The following TASOR2 variants were observed in gnomAD, a reference collection of about 807,000 sequenced individuals.
The protein encoded by TASOR2 is transcription activation suppressor family member 2.
A neutral mutation model predicts 199.5 loss-of-function variants in TASOR2; 84 were observed. The observed-to-expected ratio is 0.42, with a 90% CI of 0.35 to 0.50. TASOR2 has a LOEUF of 0.50. TASOR2 is among the 20% of genes least tolerant of loss of function. The pLI is 0.02. For missense variants in TASOR2, 2,796 were observed against 2,835.9 expected, an observed-to-expected ratio of 0.99 and a Z score of 0.32; for synonymous variants, 1,103 against 1,046.6, an observed-to-expected ratio of 1.05 and a Z score of -1.04.
Position 5,750,424 on chromosome 10 carries a change from A to C in TASOR2, c.6606+397A>C, listed in dbSNP as rs1449752654. ...TGGATATATTTTTAATTTGAATTTG[A>C]ATGTTAGGATAACTGATGTTACGGT... On this transcript the variant is annotated intron_variant, in intron 15 of 20. Transcript: ENST00000328090. This position sits in a 1 kb window ranked among gnomAD's most constrained non-coding sequence, Gnocchi z 5.4. Among the ~76,000 whole-genome samples the C allele has an allele frequency of 2.0e-5, 3 of 152,338 alleles. No individual in the cohort carries two copies. Among genetic ancestry groups the C allele is most frequent in the East Asian group, 3.9e-4 (2 of 5,188 alleles).
chr10:5,740,339 G>A lies in TASOR2; in HGVS notation c.2169G>A (p.Pro723=), dbSNP rs374458929. Residue 723 remains proline (P), a synonymous_variant, in exon 13 of 21, where the codon CCG becomes CCA. Coordinates refer to ENST00000328090, the Ensembl canonical transcript of TASOR2. The surrounding 1 kb of genome is among the most constrained non-coding windows in gnomAD (Gnocchi z 5.3). ...TGGTGAAGCCCAAGGATCGACCACC[G>A]TCTGCCCGTGTGAAAAAATCTTCTT... 281 of 1,614,178 alleles carry A rather than the reference G, an allele frequency of 1.7e-4. No homozygotes were observed. The highest frequency in any genetic ancestry group is 3.3e-4 in the East Asian group (15 of 44,880).
At chr10:5,755,578 A>C (rs952428056) in intron 15 of TASOR2, among the ~76,000 whole-genome samples, 3 of 152,060 alleles carry the variant, frequency 2.0e-5, no homozygotes, top group African/African-American at 7.2e-5. Context: ...CATCTCAAAA[A>C]AAAAAGATCC....
intron 1 of TASOR2, among the ~76,000 whole-genome samples, chr10:5,686,571 G>A (rs1353639007): frequency 7.2e-5 from 11 of 152,342 alleles, no homozygotes; most frequent in Admixed American, 7.2e-4. Context: ...CCTTATGAGA[G>A]TGCTGGATAA....
chr10:5,725,628 T>A (rs199716865), intron 8 of TASOR2, among the ~76,000 whole-genome samples: 1 of 124,378 alleles, frequency 8.0e-6, no homozygotes, highest in Non-Finnish European at 1.7e-5. Flanking sequence ...TTTTTTTTTT[T>A]AAACTAGCCA....
rs541504841 is a variant in TASOR2 at position 5,758,917 on chromosome 10, A to C, written c.6917A>C (p.Glu2306Ala). 4.3e-5 allele frequency: 69 copies of C among 1,613,980 alleles called. 1 individual carries two copies. The South Asian group carries it at 7.2e-4, about 17-fold the overall frequency. ...CTGAAGGAAATTATCAAAATCCTGG[A>C]AAAACTAAATGGAAATGGAAGATGG... The change falls in exon 18 of 21, where the codon GAA becomes GCA. Residue 2306 changes from glutamate to alanine, a missense_variant. Coordinates refer to ENST00000328090, the Ensembl canonical transcript of TASOR2.
In TASOR2 at chr10:5,720,912, C is replaced by T. The variant is rs570021898; in HGVS notation, c.88C>T (p.Arg30Cys). The change falls in exon 6 of 21, where the codon CGT (arginine) becomes TGT (cysteine). Residue 30 changes from arginine (R) to cysteine (C), a missense_variant. Coordinates refer to ENST00000328090, the Ensembl canonical transcript of TASOR2. The surrounding 1 kb of genome is among the most constrained non-coding windows in gnomAD (Gnocchi z 5.3). ...GAAAGGGAAATTAATTGTTCAAGAC[C>T]GTATGCTATGTGATATAGCTCTTTG... is the stretch of plus-strand genomic sequence containing the variant. 32 of 1,613,272 alleles carry T rather than the reference C, an allele frequency of 2.0e-5. No homozygotes were observed. The highest frequency in any genetic ancestry group is 1.7e-4 in the Middle Eastern group (1 of 6,058).
chr10:5,719,961 A>G lies in TASOR2; in HGVS notation c.-99-583A>G, dbSNP rs946753804. 6.6e-6 allele frequency among the ~76,000 whole-genome samples: 1 copy of G among 152,180 alleles called. No homozygotes were observed. The highest frequency in any genetic ancestry group is 1.5e-5 in the Non-Finnish European group (1 of 68,028). Reference sequence around the variant, plus strand: ...GGGCTATAGTTTTTCTTTTAAGGAAATGGCTCTCTTAAATTTAGGGTGATT... The same window carrying G: ...GGGCTATAGTTTTTCTTTTAAGGAAGTGGCTCTCTTAAATTTAGGGTGATT... On this transcript the variant is annotated intron_variant, in intron 3 of 20. Transcript: ENST00000328090. This position sits in a 1 kb window ranked among gnomAD's most constrained non-coding sequence, Gnocchi z 4.1.
In TASOR2 at chr10:5,742,396, C is replaced by T. The variant is rs1214914035; in HGVS notation, c.2627C>T (p.Pro876Leu). 2 of 1,613,950 alleles carry T rather than the reference C, an allele frequency of 1.2e-6. No homozygotes were observed. Among genetic ancestry groups the T allele is most frequent in the African/African-American group, 2.7e-5 (2 of 74,872 alleles). The change falls in exon 14 of 21, where the codon CCT becomes CTT. Residue 876 changes from proline (P) to leucine (L), a missense_variant. By Grantham distance (98) the Pro-to-Leu change is moderately conservative. Transcript: ENST00000328090. The surrounding 1 kb of genome is among the most constrained non-coding windows in gnomAD (Gnocchi z 4.2). ...TTCCGTGATCCTAACTGCTTGCTTC[C>T]TTTCATTAAAACACCACTTACCCAA...
chr10:5,705,295 TTAA>T (rs1332408851), intron 1 of TASOR2, among the ~76,000 whole-genome samples: 1 of 152,210 alleles, frequency 6.6e-6, no homozygotes, highest in African/African-American at 2.4e-5. Flanking sequence ...TTTGCCCAGT[TTAA>T]TGTTTTGAGA....
intron 1 of TASOR2, among the ~76,000 whole-genome samples, chr10:5,691,675 A>C (rs1204629893): frequency 6.6e-6 from 1 of 152,208 alleles, no homozygotes; most frequent in African/African-American, 2.4e-5. Context: ...TCTTCTGGGC[A>C]ATGCATGTGG....
exon 13 of TASOR2, chr10:5,739,984 G>A: frequency 6.8e-6 from 11 of 1,614,090 alleles, no homozygotes; most frequent in South Asian, 1.1e-5. Flanking sequence ...GATAGGAAGA[G>A]TAATTCTGGA....
chr10:5,693,545 T>A (rs1836756624), intron 1 of TASOR2, among the ~76,000 whole-genome samples: 1 of 152,228 alleles, frequency 6.6e-6, no homozygotes, highest in Non-Finnish European at 1.5e-5. Flanking sequence ...CGGGAAATGC[T>A]ATTTGTTTTC....
chr10:5,739,564 A>G (rs773854742), intron 12 of TASOR2, 54 bp from the exon 14 acceptor site: 10 of 1,501,888 alleles, frequency 6.7e-6, no homozygotes, highest in Non-Finnish European at 9.0e-6. Context: ...TATGGCAGAG[A>G]GTTAATTCTA....
chr10:5,752,506 A>G lies in TASOR2; in HGVS notation c.6606+2479A>G, dbSNP rs1838209097. Among the ~76,000 whole-genome samples the G allele has an allele frequency of 6.6e-6, 1 of 152,146 alleles. No homozygotes were observed. Among genetic ancestry groups the G allele is most frequent in the Non-Finnish European group, 1.5e-5 (1 of 68,032 alleles). ...GCCCACTGGGTCTGTCTCAGACTTCACTTACATCACTTCTGCTGATTTCCT... is the reference window on the plus strand; with the variant it reads ...GCCCACTGGGTCTGTCTCAGACTTCGCTTACATCACTTCTGCTGATTTCCT... On this transcript the variant is annotated intron_variant, in intron 15 of 20. Coordinates refer to ENST00000328090, the Ensembl canonical transcript of TASOR2. The surrounding 1 kb of genome is among the most constrained non-coding windows in gnomAD (Gnocchi z 4.4).
intron 14 of TASOR2, among the ~76,000 whole-genome samples, chr10:5,744,772 G>T (rs181137669): frequency 0.012 from 1,830 of 152,196 alleles, 13 homozygotes; most frequent in Middle Eastern, 0.034. Flanking sequence ...GGGATTACAG[G>T]TGCATGCCAC....
rs11596959 is a variant in TASOR2 at position 5,698,725 on chromosome 10, A to C, written c.-288+13550A>C. ...TATGAAAAAGTTTGCTGACCTTTTG[A>C]AGTAGATGGAAAATGTGACCTAAGG... On this transcript the variant is annotated intron_variant, in intron 1 of 20. Transcript: ENST00000328090. This position sits in a 1 kb window ranked among gnomAD's most constrained non-coding sequence, Gnocchi z 4.4. Among the ~76,000 whole-genome samples the C allele has an allele frequency of 0.047, 7,210 of 152,256 alleles. 215 individuals are homozygous for C. The highest frequency in any genetic ancestry group is 0.082 in the South Asian group (397 of 4,820).
chr10:5,703,264 C>T (rs540426963), intron 1 of TASOR2, among the ~76,000 whole-genome samples: 46 of 152,186 alleles, frequency 3.0e-4, no homozygotes, highest in African/African-American at 1.1e-3. Flanking sequence ...TATATATAGG[C>T]TGCTTTCTAG....
chr10:5,711,035 A>G (rs1831843870), intron 1 of TASOR2, among the ~76,000 whole-genome samples: 1 of 152,112 alleles, frequency 6.6e-6, no homozygotes, highest in South Asian at 2.1e-4. Flanking sequence ...TTTTTAAAGC[A>G]CTGGTATATT....
At chr10:5,726,423 A>G (rs1433269855) in intron 8 of TASOR2, among the ~76,000 whole-genome samples, 1 of 152,244 alleles carries the variant, frequency 6.6e-6, no homozygotes, top group Non-Finnish European at 1.5e-5. Context: ...ATGCATAGAA[A>G]GAAGTATTCT....
Sources: gnomAD v4.1 joint callset for allele counts (sites outside exome capture counted in the v4.1 genomes callset) on GRCh38, gnomAD v4.1.1 for gene constraint, Gnocchi (gnomAD v3.1) non-coding constraint, MANE v1.5 for transcripts, NCBI Gene and HGNC (gene_info 2026-07-23, HGNC 2026-07-21) for gene names.